The following R3HDM2 variants were observed in gnomAD, a reference collection of about 807,000 sequenced individuals.
The protein encoded by R3HDM2 is R3H domain-containing protein 2.
A neutral mutation model predicts 124.5 loss-of-function variants in R3HDM2; 38 were observed. The observed-to-expected ratio is 0.31, with a 90% CI of 0.24 to 0.40. The LOEUF is 0.40. R3HDM2 is among the 10% of genes least tolerant of loss of function. The pLI is 1.00. For missense variants in R3HDM2, 869 were observed against 1,236.9 expected, an observed-to-expected ratio of 0.70 and a Z score of 4.46; for synonymous variants, 391 against 448.0, an observed-to-expected ratio of 0.87 and a Z score of 1.61.
chr12:57,271,914 C>T (rs1178340086), intron 14 of R3HDM2, among the ~76,000 whole-genome samples: 4 of 147,546 alleles, frequency 2.7e-5, no homozygotes, highest in Non-Finnish European at 5.9e-5. Context: ...TTTTTTGAGA[C>T]GGAGTCTTGC....
At chr12:57,276,061 C>T (rs898995867) in intron 14 of R3HDM2, among the ~76,000 whole-genome samples, 2 of 151,828 alleles carry the variant, frequency 1.3e-5, no homozygotes, top group Non-Finnish European at 2.9e-5. Flanking sequence ...ACTAAAAATA[C>T]AAAAAATTAG....
chr12:57,414,046 A>G (rs1295183113), intron 1 of R3HDM2, among the ~76,000 whole-genome samples: 1 of 150,728 alleles, frequency 6.6e-6, no homozygotes, highest in Non-Finnish European at 1.5e-5. Context: ...AGCGGGTTTC[A>G]TCATGTTGGT....
chr12:57,396,301 C>A (rs1392280137), intron 1 of R3HDM2, among the ~76,000 whole-genome samples: 1 of 151,748 alleles, frequency 6.6e-6, no homozygotes, highest in South Asian at 2.1e-4. Flanking sequence ...ATTAGCCAGG[C>A]ACGGTGGCAT....
chr12:57,269,643 A>G, intron 15 of R3HDM2, 109 bp downstream of exon 15: 1 of 1,505,388 alleles, frequency 6.6e-7, no homozygotes, highest in Admixed American at 1.9e-5. Flanking sequence ...CTCAAGTGCA[A>G]GGTAGGGAGA....
At position 57,268,517 on chromosome 12, in the gene R3HDM2, ACAG is replaced by A. The variant is rs2042955159; in HGVS notation, c.1876-63_1876-61del. On this transcript the variant is annotated intron_variant, in intron 17 of 23. Transcript: ENST00000402412. ...GCATTCACATTGAGCTCATGCAGAA[ACAG>A]CCTAGTCATCACGAGATCAGGGCAT... 1.9e-6 allele frequency: 3 copies of A among 1,562,002 alleles called. No homozygotes were observed. The African/African-American group carries it at 4.1e-5, about 21-fold the overall frequency.
rs577312719 is a variant in R3HDM2 at position 57,386,299 on chromosome 12, G to A, written c.-36+9450C>T. Among the ~76,000 whole-genome samples, 101 of 152,344 alleles carry A rather than the reference G, an allele frequency of 6.6e-4. 1 individual carries two copies. Among genetic ancestry groups the A allele is most frequent in the African/African-American group, 2.4e-3 (98 of 41,588 alleles). ...CGGGAGCCGGCTCCCTCAGCTTGCG[G>A]GGAGGTGTGGACGGAGAGGCACGGG... On this transcript the variant is annotated intron_variant, in intron 2 of 23. Coordinates refer to ENST00000402412, the MANE Select transcript of R3HDM2 (RefSeq NM_001394031.1).
At chr12:57,341,016 CAAT>C (rs1208891359) in intron 2 of R3HDM2, among the ~76,000 whole-genome samples, 2 of 152,096 alleles carry the variant, frequency 1.3e-5, no homozygotes, top group Non-Finnish European at 2.9e-5. Context: ...TTCTAAACTA[CAAT>C]GTCAAGGAAT....
At chr12:57,408,502 A>C (rs1345691669) in intron 1 of R3HDM2, among the ~76,000 whole-genome samples, 2 of 152,162 alleles carry the variant, frequency 1.3e-5, no homozygotes, top group East Asian at 1.9e-4. Context: ...AGGCCAAGAC[A>C]GGCGGATTGC....
At chr12:57,295,687 A>G in intron 9 of R3HDM2, 180 bp from the exon 10 acceptor site, 1 of 567,954 alleles carries the variant, frequency 1.8e-6, no homozygotes, top group African/African-American at 1.9e-5. Flanking sequence ...TACTTTATAC[A>G]TCTATAACTT....
At chr12:57,365,586 C>T (rs2062542797) in intron 2 of R3HDM2, among the ~76,000 whole-genome samples, 1 of 152,110 alleles carries the variant, frequency 6.6e-6, no homozygotes, top group African/African-American at 2.4e-5. Context: ...TCAAAGAACT[C>T]AAAACAGAAA....
intron 1 of R3HDM2, among the ~76,000 whole-genome samples, chr12:57,423,425 A>G (rs1212801974): frequency 1.4e-5 from 2 of 146,716 alleles, no homozygotes; most frequent in African/African-American, 2.5e-5. Context: ...CCCTGTCTCA[A>G]AAAAAGAAAG....
intron 14 of R3HDM2, among the ~76,000 whole-genome samples, chr12:57,278,682 G>A (rs917740481): frequency 1.3e-5 from 2 of 152,150 alleles, no homozygotes; most frequent in African/African-American, 2.4e-5. Flanking sequence ...TGAAGTGAAC[G>A]AGACTTACTG....
intron 2 of R3HDM2, among the ~76,000 whole-genome samples, chr12:57,331,200 A>C (rs1442551466): frequency 2.0e-5 from 3 of 152,140 alleles, no homozygotes; most frequent in Admixed American, 2.0e-4. Context: ...TTTTGTAAAC[A>C]GCAGCCACAA....
intron 2 of R3HDM2, among the ~76,000 whole-genome samples, chr12:57,382,181 C>T (rs1357073144): frequency 6.6e-6 from 1 of 151,788 alleles, no homozygotes; most frequent in African/African-American, 2.4e-5. Flanking sequence ...ATGACACAAT[C>T]GTGGCTCACT....
At chr12:57,321,969 C>A (rs1029190833) in intron 2 of R3HDM2, among the ~76,000 whole-genome samples, 1 of 152,214 alleles carries the variant, frequency 6.6e-6, no homozygotes, top group Non-Finnish European at 1.5e-5. Context: ...GTGACTCACA[C>A]CTGTAATCCC....
At chr12:57,274,528 G>A (rs963709321) in intron 14 of R3HDM2, among the ~76,000 whole-genome samples, 2 of 152,130 alleles carry the variant, frequency 1.3e-5, no homozygotes, top group Admixed American at 1.3e-4. Flanking sequence ...CCCCACACTT[G>A]TAAGTTCTGA....
chr12:57,401,347 T>C (rs749438029), intron 1 of R3HDM2, among the ~76,000 whole-genome samples: 5 of 151,064 alleles, frequency 3.3e-5, no homozygotes, highest in Admixed American at 1.3e-4. Context: ...CTAACCATCA[T>C]GCAAAGAAGC....
intron 2 of R3HDM2, among the ~76,000 whole-genome samples, chr12:57,339,709 AAG>A (rs1293488147): frequency 1.3e-5 from 2 of 151,626 alleles, no homozygotes; most frequent in Admixed American, 6.6e-5. Flanking sequence ...AAAAAAAAAA[AAG>A]AGAGAGAGAG....
At chr12:57,339,681 G>A (rs1160179722) in intron 2 of R3HDM2, among the ~76,000 whole-genome samples, 1 of 149,390 alleles carries the variant, frequency 6.7e-6, no homozygotes, top group Non-Finnish European at 1.5e-5. Flanking sequence ...CTGGGTGACA[G>A]AGAAAGACTC....
Sources: allele counts gnomAD v4.1 joint callset (sites outside exome capture counted in the v4.1 genomes callset), GRCh38; gene constraint gnomAD v4.1.1; transcripts MANE v1.5; gene names NCBI Gene and HGNC (gene_info 2026-07-23, HGNC 2026-07-21).